The following CERS6 variants were observed in gnomAD, a reference collection of about 807,000 sequenced individuals.
CERS6 encodes ceramide synthase 6.
Under a neutral mutation model 56.8 loss-of-function variants are expected in CERS6, and 26 were observed. The observed-to-expected ratio is 0.46, with a 90% confidence interval of 0.34 to 0.63. CERS6 has a LOEUF of 0.63. CERS6 is among the 30% of genes least tolerant of loss of function. The pLI is 0.01. For missense variants in CERS6, 415 were observed against 467.5 expected, an observed-to-expected ratio of 0.89 and a Z score of 1.04; for synonymous variants, 164 against 173.3, an observed-to-expected ratio of 0.95 and a Z score of 0.42.
chr2:168,585,702 T>C (rs560577547), intron 3 of CERS6, among the ~76,000 whole-genome samples: 1 of 152,306 alleles, frequency 6.6e-6, no homozygotes, highest in South Asian at 2.1e-4. Context: ...GAAAAGTGTT[T>C]GAAATAAATG....
intron 4 of CERS6, among the ~76,000 whole-genome samples, chr2:168,686,044 C>G (rs1686341200): frequency 6.8e-6 from 1 of 147,256 alleles, no homozygotes; most frequent in Admixed American, 6.9e-5. Flanking sequence ...TCTTATGATG[C>G]TGTTAGTCAG....
At chr2:168,557,691 C>T (rs1488304659) in intron 2 of CERS6, among the ~76,000 whole-genome samples, 1 of 152,032 alleles carries the variant, frequency 6.6e-6, no homozygotes, top group Non-Finnish European at 1.5e-5. Context: ...TAAAAGGAAA[C>T]CTGGGAGAAT....
At position 168,728,096 on chromosome 2, in the gene CERS6, A is replaced by C. The variant is rs142072898; in HGVS notation, c.845+10118A>C. 1.7e-3 allele frequency among the ~76,000 whole-genome samples: 259 copies of C among 152,286 alleles called. 3 individuals are homozygous for C. The highest frequency in any genetic ancestry group is 6.0e-3 in the African/African-American group (251 of 41,570). Reference sequence around the variant, plus strand: ...GCCCACTGTCTGTTTGTATCAGTAAAGTTTTATTGGAACACAGCCTTGCCC... The same window carrying C: ...GCCCACTGTCTGTTTGTATCAGTAACGTTTTATTGGAACACAGCCTTGCCC... On this transcript the variant is annotated intron_variant, in intron 8 of 9. Transcript: ENST00000305747.
chr2:168,550,600 C>T (rs939827980), intron 2 of CERS6, among the ~76,000 whole-genome samples: 1 of 152,178 alleles, frequency 6.6e-6, no homozygotes, highest in Admixed American at 6.5e-5. Context: ...TGCACATGAC[C>T]CACCAGCTGC....
At chr2:168,506,540 CTAAA>C (rs1694680981) in intron 1 of CERS6, among the ~76,000 whole-genome samples, 1 of 152,134 alleles carries the variant, frequency 6.6e-6, no homozygotes, top group South Asian at 2.1e-4. Context: ...TATAATTAAA[CTAAA>C]ATATTGTTCA....
intron 4 of CERS6, among the ~76,000 whole-genome samples, chr2:168,675,261 C>T (rs62174387): frequency 0.035 from 5,319 of 152,012 alleles, 130 homozygotes; most frequent in East Asian, 0.14. Context: ...CGTGAGCCAC[C>T]GCGCCCAGTT....
intron 8 of CERS6, among the ~76,000 whole-genome samples, chr2:168,758,573 T>C (rs530700046): frequency 1.4e-4 from 22 of 152,212 alleles, no homozygotes; most frequent in Non-Finnish European, 3.1e-4. Flanking sequence ...CATGCACCTG[T>C]AACCCATTCA....
chr2:168,589,071 G>C (rs1276696897), intron 3 of CERS6, among the ~76,000 whole-genome samples: 1 of 152,088 alleles, frequency 6.6e-6, no homozygotes, highest in Admixed American at 6.6e-5. Flanking sequence ...TATAGAAGTG[G>C]GATTGCTGCA....
At chr2:168,590,623 A>G (rs1395308431) in intron 3 of CERS6, among the ~76,000 whole-genome samples, 1 of 152,212 alleles carries the variant, frequency 6.6e-6, no homozygotes, top group Non-Finnish European at 1.5e-5. Context: ...TTTTCAATGT[A>G]TAATTTTGTT....
intron 6 of CERS6, among the ~76,000 whole-genome samples, chr2:168,698,255 G>GAAAA (rs869056813): frequency 1.1e-4 from 2 of 17,948 alleles, no homozygotes; most frequent in African/African-American, 1.6e-4. Flanking sequence ...AAAAAAAAAA[G>GAAAA]AAAAAAAAAA....
intron 8 of CERS6, among the ~76,000 whole-genome samples, chr2:168,736,084 G>T (rs961914572): frequency 3.3e-5 from 5 of 152,116 alleles, no homozygotes; most frequent in South Asian, 4.2e-4. Context: ...GCATGGTGGT[G>T]TTTTGATTTG....
At chr2:168,555,954 T>G (rs1214699540) in intron 2 of CERS6, among the ~76,000 whole-genome samples, 1 of 152,124 alleles carries the variant, frequency 6.6e-6, no homozygotes, top group African/African-American at 2.4e-5. Flanking sequence ...TATCAAAAAT[T>G]ATATGTGCTT....
intron 3 of CERS6, among the ~76,000 whole-genome samples, chr2:168,619,689 T>TA (rs2105282386): frequency 6.6e-6 from 1 of 151,986 alleles, no homozygotes; most frequent in South Asian, 2.1e-4. Context: ...ATGGCCATAA[T>TA]AAAATCAAAA....
intron 2 of CERS6, among the ~76,000 whole-genome samples, chr2:168,558,960 A>G (rs1222368759): frequency 1.3e-5 from 2 of 152,230 alleles, no homozygotes; most frequent in Admixed American, 6.5e-5. Context: ...CAAGAAGGGG[A>G]GAATAGGGAT....
At chr2:168,488,889 A>G (rs1364019588) in intron 1 of CERS6, among the ~76,000 whole-genome samples, 1 of 152,180 alleles carries the variant, frequency 6.6e-6, no homozygotes, top group African/African-American at 2.4e-5. Flanking sequence ...TATTACATCT[A>G]CATACATTGA....
intron 3 of CERS6, among the ~76,000 whole-genome samples, chr2:168,573,687 C>A (rs9287897): frequency 0.019 from 2,851 of 151,940 alleles, 127 homozygotes; most frequent in East Asian, 0.18. Flanking sequence ...ATCAGTGGAA[C>A]CCAGCTTTCA....
At chr2:168,657,647 G>A (rs935485100) in intron 4 of CERS6, among the ~76,000 whole-genome samples, 1 of 152,250 alleles carries the variant, frequency 6.6e-6, no homozygotes, top group African/African-American at 2.4e-5. Flanking sequence ...GCACTGCTGG[G>A]GGACTCAGTA....
intron 4 of CERS6, among the ~76,000 whole-genome samples, chr2:168,658,752 C>A (rs1023997270): frequency 1.3e-5 from 2 of 152,198 alleles, no homozygotes; most frequent in African/African-American, 4.8e-5. Context: ...GAAAAAAAGT[C>A]AAGTAATTCG....
intron 1 of CERS6, among the ~76,000 whole-genome samples, chr2:168,522,391 A>G (rs894244934): frequency 4.6e-5 from 7 of 152,220 alleles, no homozygotes; most frequent in African/African-American, 1.7e-4. Flanking sequence ...TTAATGCTGA[A>G]CATTAAAAAT....
Sources: allele counts gnomAD v4.1 joint callset (sites outside exome capture counted in the v4.1 genomes callset), GRCh38; gene constraint gnomAD v4.1.1; transcripts MANE v1.5; gene names NCBI Gene and HGNC (gene_info 2026-07-23, HGNC 2026-07-21).